The following TMEM63C variants were observed in gnomAD, a reference collection of about 807,000 sequenced individuals.
TMEM63C encodes the protein osmosensitive cation channel TMEM63C.
In TMEM63C, 32 loss-of-function variants were observed where a neutral mutation model predicts 99.2. The observed-to-expected ratio is 0.32, with a 90% CI of 0.24 to 0.43. The LOEUF is 0.43. TMEM63C is among the 20% of genes least tolerant of loss of function. The probability of loss-of-function intolerance (pLI) is 1.00; values close to 1 mark genes in which losing one functional copy is unlikely to be tolerated. For missense variants in TMEM63C, 826 were observed against 1,053.0 expected (o/e 0.78, Z 2.98); for synonymous variants, 376 against 397.9 (o/e 0.94, Z 0.66).
chr14:77,236,247 GTGGTGGGTGGGGGGTATGGGGAGAC>G (rs1236903617), intron 8 of TMEM63C, among the ~76,000 whole-genome samples: 4 of 31,186 alleles, frequency 1.3e-4, no homozygotes, highest in African/African-American at 8.2e-4. Flanking sequence ...TGGGGAGACT[GTGGTGGGTGGGGGGTATGGGGAGAC>G]TGGTGGGTGG....
chr14:77,184,387 C>G (rs1472244798), intron 1 of TMEM63C, among the ~76,000 whole-genome samples: 1 of 152,104 alleles, frequency 6.6e-6, no homozygotes, highest in Admixed American at 6.5e-5. Flanking sequence ...TCTAGTGGCA[C>G]CGTGGAGCTT....
At chr14:77,186,775 G>A (rs1353784143) in intron 1 of TMEM63C, among the ~76,000 whole-genome samples, 5 of 125,482 alleles carry the variant, frequency 4.0e-5, no homozygotes, top group Admixed American at 3.4e-4. Flanking sequence ...AGAACCAAAG[G>A]GGTGTGTGTG....
At chr14:77,195,482 T>A (rs1888199279) in intron 1 of TMEM63C, among the ~76,000 whole-genome samples, 1 of 152,210 alleles carries the variant, frequency 6.6e-6, no homozygotes, top group Non-Finnish European at 1.5e-5. Context: ...GGGGAACTTG[T>A]TAAAATGCAG....
intron 23 of TMEM63C, among the ~76,000 whole-genome samples, chr14:77,254,293 C>G (rs539884019): frequency 6.6e-6 from 1 of 152,216 alleles, no homozygotes. Flanking sequence ...TAGTTGTGGG[C>G]AGAGCTGGGA....
intron 7 of TMEM63C, among the ~76,000 whole-genome samples, chr14:77,232,449 G>A (rs112861332): frequency 3.0e-4 from 45 of 152,038 alleles, no homozygotes; most frequent in African/African-American, 9.6e-4. Context: ...CTCCACACCC[G>A]GCTAATTTTT....
At chr14:77,218,241 G>A (rs113756480) in intron 2 of TMEM63C, among the ~76,000 whole-genome samples, 1 of 100,576 alleles carries the variant, frequency 9.9e-6, no homozygotes, top group African/African-American at 3.0e-5. Flanking sequence ...AAAAAAAAAA[G>A]AGGGGGGTGT....
rs1889276248 is a variant in TMEM63C at position 77,246,807 on chromosome 14, G to A, written c.1601+133G>A. ...AAATGCTTGTGAACACCCTCACTGGGCAGACTTGTTACCTTTCCTGTGCTG... is the reference window on the plus strand; with the variant it reads ...AAATGCTTGTGAACACCCTCACTGGACAGACTTGTTACCTTTCCTGTGCTG... On this transcript the variant is annotated intron_variant, in intron 18 of 23. Coordinates refer to ENST00000298351, the MANE Select transcript of TMEM63C (RefSeq NM_020431.4). The A allele has an allele frequency of 3.6e-5, 24 of 671,302 alleles. No individual in the cohort carries two copies. In the South Asian group the frequency reaches 5.0e-4, roughly 14 times the overall value. The allele number at this position is 671,302 out of a possible 1,614,324, so 41.6% of individuals were successfully genotyped here. A position where few individuals can be genotyped will look rare whatever the true frequency, so the allele number is the denominator to read the frequency against.
intron 7 of TMEM63C, among the ~76,000 whole-genome samples, chr14:77,232,436 C>T (rs771118062): frequency 3.9e-5 from 6 of 152,012 alleles, no homozygotes; most frequent in South Asian, 2.1e-4. Context: ...TACAGGCACC[C>T]GCCTCCACAC....
chr14:77,192,246 G>A (rs1888124801), intron 1 of TMEM63C, among the ~76,000 whole-genome samples: 1 of 152,152 alleles, frequency 6.6e-6, no homozygotes, highest in African/African-American at 2.4e-5. Flanking sequence ...CCCTTTACCT[G>A]TAATAACTCA....
intron 9 of TMEM63C, among the ~76,000 whole-genome samples, chr14:77,237,319 C>T (rs999057789): frequency 1.5e-4 from 23 of 152,204 alleles, no homozygotes; most frequent in African/African-American, 5.1e-4. Context: ...TGCAGTCTCT[C>T]GGAGATCAGA....
rs1889231884 is a variant in TMEM63C at position 77,244,267 on chromosome 14, A to G, written c.1342-82A>G. 13 of 1,063,798 alleles carry G rather than the reference A, an allele frequency of 1.2e-5. 1 individual carries two copies. The Middle Eastern group carries it at 2.0e-3, about 167-fold the overall frequency. 65.9% of individuals were successfully genotyped at this position (1,063,798 alleles called of 1,614,324 possible). A position where few individuals can be genotyped will look rare whatever the true frequency, so the allele number is the denominator to read the frequency against. On this transcript the variant is annotated intron_variant, in intron 15 of 23. Transcript: ENST00000298351. ...TCCAGGAGAGCAAGCCAGCCCTGGG[A>G]GTGAGTGGGAGGAGAAGAAGCAAGG...
At chr14:77,208,674 A>G (rs1043430637) in intron 1 of TMEM63C, among the ~76,000 whole-genome samples, 1 of 152,238 alleles carries the variant, frequency 6.6e-6, no homozygotes, top group Admixed American at 6.5e-5. Flanking sequence ...GAGGGTATCA[A>G]CCGTGTCCCA....
At chr14:77,193,172 GTC>G (rs1416566679) in intron 1 of TMEM63C, among the ~76,000 whole-genome samples, 2 of 152,170 alleles carry the variant, frequency 1.3e-5, no homozygotes, top group Non-Finnish European at 2.9e-5. Context: ...ATGAAAATAC[GTC>G]TGTCTTTTTT....
At chr14:77,203,415 A>G (rs1440469051) in intron 1 of TMEM63C, among the ~76,000 whole-genome samples, 2 of 150,916 alleles carry the variant, frequency 1.3e-5, no homozygotes, top group Non-Finnish European at 2.9e-5. Flanking sequence ...TAAAGAGAAC[A>G]GAGTGAAAGG....
chr14:77,199,939 G>GCTCTTC (rs1219985975), intron 1 of TMEM63C, among the ~76,000 whole-genome samples: 1 of 152,202 alleles, frequency 6.6e-6, no homozygotes, highest in African/African-American at 2.4e-5. Flanking sequence ...AGGAGCCGGT[G>GCTCTTC]AAGGACGAGG....
At chr14:77,252,054 GC>G (rs1416884083) in intron 22 of TMEM63C, among the ~76,000 whole-genome samples, 156 bp downstream of exon 22, 8 of 141,416 alleles carry the variant, frequency 5.7e-5, no homozygotes, top group African/African-American at 1.9e-4. Flanking sequence ...GTGCATGCGT[GC>G]ATGCATGCGT....
At chr14:77,216,554 C>A (rs1888590194) in intron 2 of TMEM63C, among the ~76,000 whole-genome samples, 1 of 152,132 alleles carries the variant, frequency 6.6e-6, no homozygotes, top group Admixed American at 6.5e-5. Context: ...TGCACGCACT[C>A]CCCCTCCACC....
At chr14:77,244,949 T>C (rs1889243426) in intron 16 of TMEM63C, among the ~76,000 whole-genome samples, 1 of 152,234 alleles carries the variant, frequency 6.6e-6, no homozygotes, top group South Asian at 2.1e-4. Context: ...TTTGTTAGCC[T>C]TGATGGTTCT....
intron 21 of TMEM63C, among the ~76,000 whole-genome samples, chr14:77,249,785 C>T (rs1181296461): frequency 6.6e-6 from 1 of 152,164 alleles, no homozygotes; most frequent in Non-Finnish European, 1.5e-5. Context: ...GGCTCAGTTC[C>T]CATGACATTT....
Sources: allele counts gnomAD v4.1 joint callset (sites outside exome capture counted in the v4.1 genomes callset), GRCh38; gene constraint gnomAD v4.1.1; transcripts MANE v1.5; gene names NCBI Gene and HGNC (gene_info 2026-07-23, HGNC 2026-07-21).